SNX14: variants seen among roughly 807,000 people sequenced by gnomAD.
The protein encoded by SNX14 is sorting nexin 14, also known as sorting nexin-14.
SNX14 carries 93 observed loss-of-function variants against 133.8 expected under a neutral mutation model. The ratio of observed to expected loss-of-function variants is 0.70; its 90% confidence interval spans 0.59 to 0.83. SNX14 has a LOEUF of 0.83. Ranked by LOEUF, SNX14 falls within the 40% of genes least tolerant of loss-of-function variation. The pLI, the probability that SNX14 is intolerant of heterozygous loss-of-function variation, is 0.00. For missense variants in SNX14, 945 were observed against 1,094.9 expected, an observed-to-expected ratio of 0.86 and a Z score of 1.93; for synonymous variants, 368 against 365.6, an observed-to-expected ratio of 1.01 and a Z score of -0.07.
chr6:85,559,286 C>T (rs1790777472), intron 6 of SNX14, among the ~76,000 whole-genome samples: 1 of 152,126 alleles, frequency 6.6e-6, no homozygotes, highest in East Asian at 1.9e-4. Context: ...CCCTTGGCCA[C>T]TTGGTACTCG....
At position 85,524,698 on chromosome 6, in the gene SNX14, C is replaced by A. The variant is rs148908507; in HGVS notation, c.2107+1428G>T. Among the ~76,000 whole-genome samples the A allele has an allele frequency of 4.1e-3, 624 of 151,272 alleles. 2 individuals carry two copies. Among genetic ancestry groups the A allele is most frequent in the African/African-American group, 0.014 (567 of 41,188 alleles). On this transcript the variant is annotated intron_variant, in intron 21 of 28. Coordinates refer to ENST00000314673, the MANE Select transcript of SNX14 (RefSeq NM_153816.6). ...ACTTGGGAGGCTAAGGCAGGAGAAT[C>A]GCTTGAACCTGGGAGGTGGAGGCTG...
Position 85,533,696 on chromosome 6 carries a change from A to T in SNX14, c.1713T>A (p.Tyr571Ter), listed in dbSNP as rs756990758. 1 of 1,613,992 alleles carries T rather than the reference A, an allele frequency of 6.2e-7. No homozygotes were observed. Among genetic ancestry groups the T allele is most frequent in the South Asian group, 1.1e-5 (1 of 91,084 alleles). Residue 571 changes from tyrosine (Y) to a stop codon, truncating the protein, a stop_gained, in exon 18 of 29, where the codon TAT becomes TAA. Coordinates refer to ENST00000314673, the MANE Select transcript of SNX14 (RefSeq NM_153816.6). LOFTEE classifies it high-confidence loss of function. The stretch of plus-strand genomic sequence containing the variant: ...AGGAGGGATCCTCAAAAAAGTCTAC[A>T]TATGGAATGCTAATTTTCCATGCAG... The part of the protein sequence containing the change: ...NLAAWKISIP[Y>*]VDFFEDPSSE...
In SNX14 at chr6:85,514,109, G is replaced by A. The variant is rs763228014; in HGVS notation, c.2518C>T (p.Gln840Ter). Residue 840 changes from glutamine to a stop codon, truncating the protein, a stop_gained, in exon 25 of 29, where the codon CAG becomes TAG. Transcript: ENST00000314673. LOFTEE classifies it high-confidence loss of function. The part of the protein sequence containing the change: ...YLQCKLEQLF[Q>*]EHRLVSLITL... The stretch of plus-strand genomic sequence containing the variant: ...ATGAGTGAGACCAAACGGTGCTCCT[G>A]AAATAGCTGTTCTAGTTTACACTGA... 1 of 1,613,676 alleles carries A rather than the reference G, an allele frequency of 6.2e-7. No homozygotes were observed. The highest frequency in any genetic ancestry group is 8.5e-7 in the Non-Finnish European group (1 of 1,179,866).
intron 6 of SNX14, among the ~76,000 whole-genome samples, chr6:85,563,513 T>A (rs935569399): frequency 1.6e-4 from 24 of 152,168 alleles, no homozygotes; most frequent in Non-Finnish European, 1.9e-4. Flanking sequence ...TGCCTTGGCC[T>A]CCTGAGTAGC....
Position 85,567,704 on chromosome 6 carries a change from G to A in SNX14, c.418-127C>T, listed in dbSNP as rs147284441. On this transcript the variant is annotated intron_variant, in intron 4 of 28. Transcript: ENST00000314673. The stretch of plus-strand genomic sequence containing the variant: ...ATTATCACAAATAGTGACAGTAGGC[G>A]GTGAGCAGTGGCTCACACCTGTAAT... 336 of 543,912 alleles carry A rather than the reference G, an allele frequency of 6.2e-4. 4 individuals are homozygous for A. In the African/African-American group the frequency reaches 6.3e-3, roughly 10 times the overall value. 33.7% of individuals were successfully genotyped at this position (543,912 alleles called of 1,614,324 possible).
rs201544497 is a variant in SNX14, at chr6:85,536,751, T to C, written c.1608+41A>G. 6.2e-4 allele frequency: 979 copies of C among 1,583,910 alleles called. 3 individuals carry two copies. The highest frequency in any genetic ancestry group is 7.7e-4 in the South Asian group (67 of 87,094). On this transcript the variant is annotated intron_variant, in intron 17 of 28. Transcript: ENST00000314673. ...TATCTAATTTTTATGTCATAGTAAG[T>C]CTGAAGTTATAAATAAATCAAATTG...
intron 9 of SNX14, 94 bp from the exon 10 acceptor site, chr6:85,547,644 G>A: frequency 1.8e-6 from 2 of 1,096,348 alleles, no homozygotes; most frequent in Non-Finnish European, 2.5e-6. Context: ...TAAGTTTCTA[G>A]AAAAATGAAA....
intron 18 of SNX14, among the ~76,000 whole-genome samples, chr6:85,531,310 G>A (rs942015306): frequency 3.9e-5 from 6 of 152,138 alleles, no homozygotes; most frequent in Non-Finnish European, 8.8e-5. Context: ...AACAATAATT[G>A]TGTCTATCAC....
chr6:85,512,712 T>C (rs561497286), intron 26 of SNX14, among the ~76,000 whole-genome samples: 40 of 152,092 alleles, frequency 2.6e-4, no homozygotes, highest in Admixed American at 6.5e-5. Context: ...TAAAAGGCTG[T>C]AGCAATTTGT....
chr6:85,514,631 T>C lies in SNX14; in HGVS notation c.2269-2A>G. ...ATTTTTAAACAGATCATTGAAAAGCTAAAATAAAAGTTGGAATAATAAAGA... is the reference window on the plus strand; with the variant it reads ...ATTTTTAAACAGATCATTGAAAAGCCAAAATAAAAGTTGGAATAATAAAGA... On this transcript the variant is annotated splice_acceptor_variant, in intron 23 of 28. Transcript: ENST00000314673. LOFTEE classifies it high-confidence loss of function. The C allele has an allele frequency of 6.2e-7, 1 of 1,609,016 alleles. No individual in the cohort carries two copies. Among genetic ancestry groups the C allele is most frequent in the Non-Finnish European group, 8.5e-7 (1 of 1,177,076 alleles).
intron 4 of SNX14, among the ~76,000 whole-genome samples, chr6:85,571,016 C>G (rs991944715): frequency 4.6e-5 from 7 of 152,006 alleles, no homozygotes; most frequent in Non-Finnish European, 8.8e-5. Context: ...TAGGAGCTAC[C>G]ATATTAGACA....
At chr6:85,525,944 C>T (rs1220716033) in intron 21 of SNX14, among the ~76,000 whole-genome samples, 182 bp downstream of exon 21, 3 of 152,046 alleles carry the variant, frequency 2.0e-5, no homozygotes, top group Non-Finnish European at 4.4e-5. Context: ...GAAGTGACTG[C>T]TTAAATAATC....
chr6:85,559,770 A>T (rs1460540125), intron 6 of SNX14, among the ~76,000 whole-genome samples: 1 of 152,222 alleles, frequency 6.6e-6, no homozygotes, highest in East Asian at 1.9e-4. Flanking sequence ...AAGGACATGT[A>T]TCCATATAAG....
At chr6:85,531,884 T>C (rs536437786) in intron 18 of SNX14, among the ~76,000 whole-genome samples, 1 of 152,058 alleles carries the variant, frequency 6.6e-6, no homozygotes, top group East Asian at 1.9e-4. Flanking sequence ...TAAAATTAGC[T>C]GGGCGTGGTG....
intron 26 of SNX14, 179 bp from the exon 27 acceptor site, chr6:85,508,238 T>A (rs1023503804): frequency 1.1e-5 from 14 of 1,284,526 alleles, no homozygotes; most frequent in Non-Finnish European, 1.3e-5. Flanking sequence ...TATGGTCAAG[T>A]TGACAAATGC....
intron 1 of SNX14, among the ~76,000 whole-genome samples, chr6:85,582,260 A>G (rs1799273346): frequency 6.6e-6 from 1 of 152,196 alleles, no homozygotes; most frequent in East Asian, 1.9e-4. Context: ...ATATCCAGCA[A>G]AAATACCCTT....
intron 23 of SNX14, among the ~76,000 whole-genome samples, chr6:85,517,233 A>C (rs1397706976): frequency 6.6e-6 from 1 of 152,218 alleles, no homozygotes; most frequent in Non-Finnish European, 1.5e-5. Flanking sequence ...CAAAAATAAA[A>C]GATAGAGGTC....
At chr6:85,592,571 A>C (rs1470005895) in intron 1 of SNX14, among the ~76,000 whole-genome samples, 2 of 152,246 alleles carry the variant, frequency 1.3e-5, no homozygotes, top group Admixed American at 1.3e-4. Context: ...AAAATGAAGT[A>C]AAACAAGTTT....
At chr6:85,590,986 T>C (rs551441856) in intron 1 of SNX14, among the ~76,000 whole-genome samples, 12 of 152,380 alleles carry the variant, frequency 7.9e-5, no homozygotes, top group South Asian at 2.1e-4. Context: ...TCATTACTTT[T>C]CTCTGCTTCT....
Sources: gnomAD v4.1 joint callset for allele counts (sites outside exome capture counted in the v4.1 genomes callset) on GRCh38, gnomAD v4.1.1 for gene constraint, MANE v1.5 for transcripts, NCBI Gene and HGNC (gene_info 2026-07-23, HGNC 2026-07-21) for gene names.